Variants in MEI4 observed in about 807,000 individuals in gnomAD.
The protein encoded by MEI4 is meiotic double-stranded break formation protein 4.
A neutral mutation model predicts 31.4 loss-of-function variants in MEI4; 27 were observed. The ratio of observed to expected loss-of-function variants is 0.86; its 90% CI spans 0.63 to 1.19. The LOEUF (loss-of-function observed/expected upper bound fraction) is 1.19, where lower values mean the gene tolerates loss of function less well. MEI4 is among the 50% of genes most tolerant of loss of function. MEI4 has a pLI of 0.00. For missense variants in MEI4, 329 were observed against 398.9 expected (o/e 0.82, Z 1.49); for synonymous variants, 122 against 145.4 (o/e 0.84, Z 1.16).
chr6:77,782,095 T>C (rs573960569), intron 3 of MEI4, among the ~76,000 whole-genome samples: 1 of 152,280 alleles, frequency 6.6e-6, no homozygotes, highest in Admixed American at 6.5e-5. Context: ...CACAGGTCAC[T>C]GGGACTCAGA....
intron 3 of MEI4, among the ~76,000 whole-genome samples, chr6:77,793,506 G>C (rs953474020): frequency 2.6e-5 from 4 of 152,292 alleles, no homozygotes; most frequent in African/African-American, 7.2e-5. Context: ...CTCTAATATT[G>C]TAATGGTGTG....
At chr6:77,675,372 T>G (rs1028533548) in intron 1 of MEI4, among the ~76,000 whole-genome samples, 4 of 152,150 alleles carry the variant, frequency 2.6e-5, no homozygotes, top group African/African-American at 9.7e-5. Context: ...GTTTTAAATT[T>G]TAATGCAGTA....
intron 4 of MEI4, among the ~76,000 whole-genome samples, chr6:77,879,236 T>A (rs1471205893): frequency 1.3e-5 from 2 of 152,226 alleles, no homozygotes; most frequent in African/African-American, 4.8e-5. Flanking sequence ...GTTTTCTGTT[T>A]ATATGCTGTG....
intron 3 of MEI4, among the ~76,000 whole-genome samples, chr6:77,779,274 G>C (rs576957873): frequency 3.9e-5 from 6 of 152,320 alleles, no homozygotes; most frequent in Non-Finnish European, 7.4e-5. Context: ...ACAAAGAAGA[G>C]TATAGTCAGC....
At chr6:77,714,513 C>T (rs1766536629) in intron 2 of MEI4, among the ~76,000 whole-genome samples, 1 of 152,118 alleles carries the variant, frequency 6.6e-6, no homozygotes, top group Admixed American at 6.6e-5. Flanking sequence ...ATTTTATTTG[C>T]AGTTCATAAA....
chr6:77,895,818 T>G (rs1201356264), intron 4 of MEI4, among the ~76,000 whole-genome samples: 1 of 152,090 alleles, frequency 6.6e-6, no homozygotes, highest in Non-Finnish European at 1.5e-5. Context: ...AAGTTTTAAA[T>G]TTCTAAGTAC....
chr6:77,679,578 A>G (rs1174090645), intron 1 of MEI4, among the ~76,000 whole-genome samples: 2 of 151,698 alleles, frequency 1.3e-5, no homozygotes, highest in East Asian at 3.9e-4. Context: ...GCATGATTAT[A>G]CTTGTCTAGG....
chr6:77,813,494 A>G (rs1005421731), intron 3 of MEI4, among the ~76,000 whole-genome samples: 2 of 141,404 alleles, frequency 1.4e-5, no homozygotes, highest in Non-Finnish European at 3.0e-5. Context: ...TCTCTTCTTC[A>G]GGACATTCTT....
intron 1 of MEI4, among the ~76,000 whole-genome samples, chr6:77,681,947 A>G (rs573277436): frequency 2.0e-5 from 3 of 152,334 alleles, no homozygotes; most frequent in East Asian, 1.9e-4. Context: ...GTAAAATTTC[A>G]TATGACATTA....
intron 1 of MEI4, among the ~76,000 whole-genome samples, chr6:77,666,888 C>CAT (rs1768648103): frequency 3.4e-5 from 5 of 147,948 alleles, no homozygotes; most frequent in Non-Finnish European, 7.5e-5. Flanking sequence ...TGTGTGCGTG[C>CAT]GTGCGTGCGT....
chr6:77,739,057 T>G (rs1767327943), intron 2 of MEI4, among the ~76,000 whole-genome samples: 1 of 152,220 alleles, frequency 6.6e-6, no homozygotes, highest in African/African-American at 2.4e-5. Flanking sequence ...GATGATAATT[T>G]CTTTTGCTGT....
intron 4 of MEI4, among the ~76,000 whole-genome samples, chr6:77,902,744 C>T (rs1191014696): frequency 1.3e-5 from 2 of 152,082 alleles, no homozygotes; most frequent in African/African-American, 4.8e-5. Context: ...AAGAATGCAG[C>T]CATTTGTCTG....
intron 2 of MEI4, among the ~76,000 whole-genome samples, chr6:77,714,387 A>G (rs1473983110): frequency 1.3e-5 from 2 of 152,142 alleles, no homozygotes; most frequent in African/African-American, 4.8e-5. Context: ...CTCATTTGGG[A>G]GGTTTTCCAT....
intron 4 of MEI4, among the ~76,000 whole-genome samples, chr6:77,889,288 A>G (rs576689647): frequency 6.6e-6 from 1 of 152,288 alleles, no homozygotes; most frequent in South Asian, 2.1e-4. Context: ...AGACTTGTTG[A>G]GTGGCTTTGA....
intron 4 of MEI4, among the ~76,000 whole-genome samples, chr6:77,871,834 G>A (rs1456956923): frequency 6.6e-6 from 1 of 152,094 alleles, no homozygotes; most frequent in Non-Finnish European, 1.5e-5. Flanking sequence ...ATTTTAAAGT[G>A]TAGAAGGACA....
intron 4 of MEI4, among the ~76,000 whole-genome samples, chr6:77,874,332 G>T (rs1477294120): frequency 1.3e-5 from 2 of 152,152 alleles, no homozygotes; most frequent in African/African-American, 4.8e-5. Context: ...TCCCTTGTAA[G>T]TTGGATTCCT....
intron 3 of MEI4, among the ~76,000 whole-genome samples, chr6:77,824,879 C>T (rs1769906271): frequency 1.3e-5 from 2 of 152,106 alleles, no homozygotes; most frequent in Non-Finnish European, 2.9e-5. Flanking sequence ...ATTAGTAGGG[C>T]TATACAAATA....
chr6:77,665,091 A>G (rs1328073261), intron 1 of MEI4, among the ~76,000 whole-genome samples: 1 of 151,938 alleles, frequency 6.6e-6, no homozygotes, highest in African/African-American at 2.4e-5. Context: ...TACCTGCCAG[A>G]AAAGTGGGAA....
chr6:77,825,835 T>C (rs376368601), intron 3 of MEI4, among the ~76,000 whole-genome samples: 1 of 152,198 alleles, frequency 6.6e-6, no homozygotes, highest in Admixed American at 6.5e-5. Context: ...ATTTTTAAGC[T>C]TTTGTTCAAA....
Sources: allele counts gnomAD v4.1 joint callset (sites outside exome capture counted in the v4.1 genomes callset), GRCh38; gene constraint gnomAD v4.1.1; transcripts MANE v1.5; gene names NCBI Gene and HGNC (gene_info 2026-07-23, HGNC 2026-07-21).